The following CHADL variants were observed in gnomAD, a reference collection of about 807,000 sequenced individuals.
CHADL encodes chondroadherin-like protein.
In CHADL, 48 loss-of-function variants were observed where a neutral mutation model predicts 52.1. That is an observed-to-expected ratio of 0.92 (90% CI 0.73 to 1.17). The LOEUF (loss-of-function observed/expected upper bound fraction) is 1.17, where lower values mean the gene tolerates loss of function less well. Among genes scored for constraint, CHADL ranks in the 50% most tolerant of loss-of-function variants. CHADL has a pLI of 0.00. For synonymous variants in CHADL, 498 were observed against 511.2 expected (o/e 0.97, Z 0.35); for missense variants, 977 against 1,035.1 (o/e 0.94, Z 0.77).
In CHADL at chr22:41,238,932, G is replaced by A; in HGVS notation, c.187-47C>T. ...TGGGGCTGAGCCAGGCAGGGACCCC[G>A]CCTTTGCAAGTGCTGCTTCTTCCCC... On this transcript the variant is annotated intron_variant, in intron 2 of 5. Transcript: ENST00000216241. The surrounding 1 kb of genome is among the most constrained non-coding windows in gnomAD (Gnocchi z 4.9). 1 of 1,481,526 alleles carries A rather than the reference G, an allele frequency of 6.7e-7. No individual in the cohort carries two copies. 91.8% of individuals were successfully genotyped at this position (1,481,526 alleles called of 1,614,324 possible). A position where few individuals can be genotyped will look rare whatever the true frequency, so the allele number is the denominator to read the frequency against.
chr22:41,231,915 A>C (rs2032603680), intron 5 of CHADL, among the ~76,000 whole-genome samples: 1 of 152,196 alleles, frequency 6.6e-6, no homozygotes, highest in Non-Finnish European at 1.5e-5. Context: ...TAGTATCAAG[A>C]GCCCCTACCC....
chr22:41,238,015 A>G lies in CHADL; in HGVS notation c.1057T>C (p.Trp353Arg), dbSNP rs2032780692. ...RGEALDALRPWDLRCPGDAAQ... is the reference protein window; with the variant it reads ...RGEALDALRPRDLRCPGDAAQ... ...GCGTCCCCAGGGCAGCGCAGGTCCC[A>G]GGGCCGCAGGGCGTCCAGAGCCTCG... is the stretch of plus-strand genomic sequence containing the variant. The change falls in exon 3 of 6, where the codon TGG becomes CGG. Residue 353 changes from tryptophan (W) to arginine (R), a missense_variant. Transcript: ENST00000216241. The surrounding 1 kb of genome is among the most constrained non-coding windows in gnomAD (Gnocchi z 4.9). The G allele has an allele frequency of 2.3e-6, 3 of 1,283,304 alleles. No individual in the cohort carries two copies. The highest frequency in any genetic ancestry group is 8.1e-5 in the Admixed American group (2 of 24,702). The allele number at this position is 1,283,304 out of a possible 1,614,324, so 79.5% of individuals were successfully genotyped here. A position where few individuals can be genotyped will look rare whatever the true frequency, so the allele number is the denominator to read the frequency against.
intron 3 of CHADL, 80 bp downstream of exon 3, chr22:41,237,096 A>G: frequency 7.2e-7 from 1 of 1,397,388 alleles, no homozygotes; most frequent in South Asian, 1.4e-5. Flanking sequence ...GGGGCTGGCA[A>G]ATGCTTGTTG....
At position 41,237,859 on chromosome 22, in the gene CHADL, C is replaced by T; in HGVS notation, c.1213G>A (p.Glu405Lys). 8.8e-7 allele frequency: 1 copy of T among 1,131,000 alleles called. No homozygotes were observed. Among genetic ancestry groups the T allele is most frequent in the Non-Finnish European group, 1.1e-6 (1 of 893,990 alleles). The allele number at this position is 1,131,000 out of a possible 1,614,324, so 70.1% of individuals were successfully genotyped here. ...PCPRACVCVP[E>K]SRHSSCEGCG... ...CCCTCGCAGCTGCTGTGCCGGGACT[C>T]GGGGACGCACACGCAGGCGCGAGGG... The change falls in exon 3 of 6, where the codon GAG becomes AAG. Residue 405 changes from glutamate (E) to lysine (K), a missense_variant. Transcript: ENST00000216241.
chr22:41,237,117 C>G, intron 3 of CHADL, 59 bp downstream of exon 3: 11 of 1,461,212 alleles, frequency 7.5e-6, no homozygotes, highest in Non-Finnish European at 1.0e-5. Flanking sequence ...AGTGAATGCA[C>G]GCTGCCTGTG....
intron 4 of CHADL, 48 bp downstream of exon 4, chr22:41,236,434 TGA>T (rs1432234773): frequency 1.1e-5 from 17 of 1,501,822 alleles, no homozygotes; most frequent in Non-Finnish European, 1.4e-5. Flanking sequence ...GGGGCTTGAC[TGA>T]GAGTGGCTGG....
chr22:41,237,389 G>C lies in CHADL; in HGVS notation c.1683C>G (p.Ser561=). The C allele has an allele frequency of 1.9e-6, 3 of 1,550,652 alleles. No individual in the cohort carries two copies. The East Asian group carries it at 7.3e-5, about 38-fold the overall frequency. ...YLSGNRITEV[S]LGALGPAREL... ...CCCGAGCTGGGCCCAGCGCCCCAAGGGACACTTCGGTGATGCGGTTTCCAC... is the reference window on the plus strand; with the variant it reads ...CCCGAGCTGGGCCCAGCGCCCCAAGCGACACTTCGGTGATGCGGTTTCCAC... Residue 561 remains serine, a synonymous_variant, in exon 3 of 6, where the codon TCC becomes TCG. Transcript: ENST00000216241.
At chr22:41,235,582 G>A (rs9623356) in intron 4 of CHADL, among the ~76,000 whole-genome samples, 10,265 of 152,186 alleles carry the variant, frequency 0.067, 919 homozygotes, top group African/African-American at 0.2. Flanking sequence ...GAATCTTGGC[G>A]GCTCACCAAT....
At chr22:41,234,627 C>T (rs910427368) in intron 5 of CHADL, among the ~76,000 whole-genome samples, 3 of 151,780 alleles carry the variant, frequency 2.0e-5, no homozygotes, top group East Asian at 1.9e-4. Flanking sequence ...GATCTCCGCT[C>T]ACTGCAAGGT....
At chr22:41,230,078 C>CT in intron 5 of CHADL, 2 of 821,650 alleles carry the variant, frequency 2.4e-6, no homozygotes, top group Non-Finnish European at 3.8e-6. Context: ...CCAGCTCCTC[C>CT]GCCCCCACCC....
chr22:41,239,114 T>C (rs1475436076), intron 2 of CHADL, among the ~76,000 whole-genome samples: 3 of 152,142 alleles, frequency 2.0e-5, no homozygotes, highest in African/African-American at 7.2e-5. Flanking sequence ...TCTCCTCCAC[T>C]AGCTGATGAC....
In CHADL at chr22:41,238,092, CG is replaced by C; in HGVS notation, c.979del (p.Arg327GlyfsTer106). ...QARPLLEWLA[R>X]ARVRSDGACQ... is the part of the protein sequence containing the mutation. The stretch of plus-strand genomic sequence containing the variant: ...CGCGCCGTCCGAGCGCACGCGCGCC[CG>C]CGCCAGCCACTCGAGTAGGGGCCGC... On this transcript the variant is annotated frameshift_variant, in exon 3 of 6. Transcript: ENST00000216241. LOFTEE classifies it high-confidence loss of function. The surrounding 1 kb of genome is among the most constrained non-coding windows in gnomAD (Gnocchi z 4.9). 1 of 1,291,330 alleles carries C rather than the reference CG, an allele frequency of 7.7e-7. No individual in the cohort carries two copies. The highest frequency in any genetic ancestry group is 9.7e-7 in the Non-Finnish European group (1 of 1,028,954). 80.0% of individuals were successfully genotyped at this position (1,291,330 alleles called of 1,614,324 possible).
At chr22:41,239,860 A>C (rs974638875) in intron 1 of CHADL, among the ~76,000 whole-genome samples, 1 of 152,186 alleles carries the variant, frequency 6.6e-6, no homozygotes, top group African/African-American at 2.4e-5. Flanking sequence ...TGACCTGGTT[A>C]GTCCCTTTGC....
rs1168382994 is a variant in CHADL at position 41,237,543 on chromosome 22, A to C, written c.1529T>G (p.Leu510Arg). The change falls in exon 3 of 6, where the codon CTG (leucine) becomes CGG (arginine). Residue 510 changes from leucine (L) to arginine (R), a missense_variant. Leu to Arg is a moderately radical substitution (Grantham distance 102). Coordinates refer to ENST00000216241, the MANE Select transcript of CHADL (RefSeq NM_138481.2). ...GCGCAGGGCAGCCCCTGGCACCTGCAGGAAACGGTTGCGTTCTAGGTACAG... is the reference window on the plus strand; with the variant it reads ...GCGCAGGGCAGCCCCTGGCACCTGCCGGAAACGGTTGCGTTCTAGGTACAG... ...GYLYLERNRFLQVPGAALRAL... is the reference protein window; with the variant it reads ...GYLYLERNRFRQVPGAALRAL... 6.4e-7 allele frequency: 1 copy of C among 1,550,442 alleles called. No homozygotes were observed. Among genetic ancestry groups the C allele is most frequent in the African/African-American group, 1.4e-5 (1 of 73,156 alleles).
rs1446872632 is a variant in CHADL, at chr22:41,237,947, C to T, written c.1125G>A (p.Gly375=). The change falls in exon 3 of 6, where the codon GGG becomes GGA. Residue 375 remains glycine, a synonymous_variant. Transcript: ENST00000216241. ...EEELEERAVA[G]PRAPPRGPPR... is the part of the protein sequence containing the mutation. The stretch of plus-strand genomic sequence containing the variant: ...GAGGGCCGCGCGGAGGGGCGCGGGG[C>T]CCGGCCACAGCCCGCTCTTCCAGCT... The T allele has an allele frequency of 1.8e-5, 23 of 1,265,724 alleles. No individual in the cohort carries two copies. Among genetic ancestry groups the T allele is most frequent in the Non-Finnish European group, 2.3e-5 (23 of 1,011,210 alleles). 78.4% of individuals were successfully genotyped at this position (1,265,724 alleles called of 1,614,324 possible).
At chr22:41,239,727 C>T in intron 1 of CHADL, 107 bp from the exon 2 acceptor site, 1 of 1,048,858 alleles carries the variant, frequency 9.5e-7, no homozygotes, top group Non-Finnish European at 1.3e-6. Context: ...CCCCTCAGAG[C>T]CTCCTCCTTT....
At chr22:41,240,204 C>T (rs1367367322) in intron 1 of CHADL, among the ~76,000 whole-genome samples, 1 of 152,234 alleles carries the variant, frequency 6.6e-6, no homozygotes, top group Non-Finnish European at 1.5e-5. Context: ...CCTCTCACCT[C>T]AGCCTCTTGA....
rs750476746 is a variant in CHADL at position 41,230,166 on chromosome 22, A to T, written c.2263-436T>A. ...ATTGCTGTGCGTGTGAAGGAAGAGC[A>T]TCTAGACGTGGCCTCGCCCGACAAG... On this transcript the variant is annotated intron_variant, in intron 5 of 5. Coordinates refer to ENST00000216241, the MANE Select transcript of CHADL (RefSeq NM_138481.2). 2.5e-6 allele frequency: 4 copies of T among 1,600,450 alleles called. No individual in the cohort carries two copies. In the South Asian group the frequency reaches 3.3e-5, roughly 13 times the overall value.
intron 5 of CHADL, 129 bp from the exon 6 acceptor site, chr22:41,229,859 C>G: frequency 1.2e-6 from 1 of 845,868 alleles, no homozygotes; most frequent in East Asian, 2.7e-5. Context: ...CCCCTCTAGC[C>G]CGGCCCCGGC....
Sources: gnomAD v4.1 joint callset for allele counts (sites outside exome capture counted in the v4.1 genomes callset) on GRCh38, gnomAD v4.1.1 for gene constraint, Gnocchi (gnomAD v3.1) non-coding constraint, MANE v1.5 for transcripts, NCBI Gene and HGNC (gene_info 2026-07-23, HGNC 2026-07-21) for gene names.